The following TANGO6 variants were observed in gnomAD, a reference collection of about 807,000 sequenced individuals.
TANGO6 encodes the protein transport and golgi organization 6 homolog.
In TANGO6, 90 loss-of-function variants were observed where a neutral mutation model predicts 114.2. The observed-to-expected ratio is 0.79, with a 90% CI of 0.66 to 0.94. The LOEUF (loss-of-function observed/expected upper bound fraction) is 0.94, where lower values mean the gene tolerates loss of function less well. Among genes scored for constraint, TANGO6 ranks in the 40% least tolerant of loss-of-function variants. The pLI is 0.00. For missense variants in TANGO6, 1,274 were observed against 1,315.3 expected (o/e 0.97, Z 0.49); for synonymous variants, 477 against 509.8 (o/e 0.94, Z 0.87).
intron 12 of TANGO6, among the ~76,000 whole-genome samples, chr16:68,926,526 G>A (rs994956131): frequency 1.3e-5 from 2 of 151,596 alleles, no homozygotes; most frequent in African/African-American, 4.8e-5. Context: ...AAATAAAAAG[G>A]ATTTTTTTTT....
chr16:68,875,019 C>A, intron 4 of TANGO6, 135 bp from the exon 5 acceptor site: 1 of 877,034 alleles, frequency 1.1e-6, no homozygotes, highest in Non-Finnish European at 1.6e-6. Context: ...GGTAGATTAT[C>A]TTATAGAAAA....
intron 12 of TANGO6, among the ~76,000 whole-genome samples, chr16:68,919,784 G>A (rs1420430779): frequency 6.6e-6 from 1 of 152,128 alleles, no homozygotes; most frequent in Non-Finnish European, 1.5e-5. Flanking sequence ...CACTGAGCCT[G>A]TAATCCCAGC....
chr16:68,957,814 C>T (rs1963549079), intron 14 of TANGO6, among the ~76,000 whole-genome samples: 2 of 151,978 alleles, frequency 1.3e-5, no homozygotes, highest in Admixed American at 1.3e-4. Context: ...TGGGAAACAA[C>T]AATTATCTAA....
chr16:69,021,052 TG>T (rs1353382885), intron 15 of TANGO6, among the ~76,000 whole-genome samples: 2 of 152,226 alleles, frequency 1.3e-5, no homozygotes, highest in Non-Finnish European at 1.5e-5. Context: ...TGGACATACA[TG>T]GTACCCAACA....
At chr16:68,915,259 A>G (rs756316626) in intron 11 of TANGO6, among the ~76,000 whole-genome samples, 11 of 151,366 alleles carry the variant, frequency 7.3e-5, no homozygotes, top group Non-Finnish European at 1.0e-4. Flanking sequence ...GGAATGCTTT[A>G]TATATTTTTT....
rs1220307985 is a variant in TANGO6, at chr16:69,030,773, C to T, written c.2994+7794C>T. On this transcript the variant is annotated intron_variant, in intron 16 of 17. Transcript: ENST00000261778. ...TTTCAACCTTAAAACAGGTGAGGGC[C>T]GGGCGCGGTGGCTCACGCCTGTAAT... Among the ~76,000 whole-genome samples the T allele has an allele frequency of 3.3e-5, 5 of 151,872 alleles. 1 individual carries two copies. Among genetic ancestry groups the T allele is most frequent in the Admixed American group, 2.0e-4 (3 of 15,200 alleles).
At position 68,980,407 on chromosome 16, in the gene TANGO6, C is replaced by A. The variant is rs868484175; in HGVS notation, c.2842+6239C>A. ...ATTCTCTCTCTCTCTCTCTCTCTCTCTCTATATATATATATATATATATAT... is the reference window on the plus strand; with the variant it reads ...ATTCTCTCTCTCTCTCTCTCTCTCTATCTATATATATATATATATATATAT... On this transcript the variant is annotated intron_variant, in intron 15 of 17. Transcript: ENST00000261778. 2.2e-3 allele frequency among the ~76,000 whole-genome samples: 150 copies of A among 67,572 alleles called. 1 individual carries two copies. Among genetic ancestry groups the A allele is most frequent in the South Asian group, 3.5e-3 (7 of 1,996 alleles). 44.3% of individuals were successfully genotyped at this position (67,572 alleles called of 152,430 possible). A position where few individuals can be genotyped will look rare whatever the true frequency, so the allele number is the denominator to read the frequency against.
At chr16:69,051,459 T>C (rs563995603) in intron 17 of TANGO6, among the ~76,000 whole-genome samples, 1 of 152,304 alleles carries the variant, frequency 6.6e-6, no homozygotes, top group South Asian at 2.1e-4. Flanking sequence ...GCAGATCACC[T>C]GAGGTCAGGA....
intron 15 of TANGO6, among the ~76,000 whole-genome samples, chr16:68,984,584 C>T (rs1963873840): frequency 6.6e-6 from 1 of 151,916 alleles, no homozygotes; most frequent in Non-Finnish European, 1.5e-5. Context: ...GCAGTGGTGC[C>T]ATCACTGGCT....
In TANGO6 at chr16:68,990,557, A is replaced by G. The variant is rs371490165; in HGVS notation, c.2842+16389A>G. On this transcript the variant is annotated intron_variant, in intron 15 of 17. Transcript: ENST00000261778. ...ATTTGGTTGGGGACACAGCCAAACC[A>G]TATTACCTGGCTAATTTGTTTGTAT... Among the ~76,000 whole-genome samples the G allele has an allele frequency of 1.9e-3, 284 of 152,240 alleles. 2 individuals carry two copies. In the South Asian group the frequency reaches 0.056, roughly 30 times the overall value.
At chr16:68,846,892 C>G (rs1000562013) in intron 1 of TANGO6, 1 of 148,420 alleles carries the variant, frequency 6.7e-6, no homozygotes. Context: ...AGAGGTAATA[C>G]CTTTTTTTTT....
In TANGO6 at chr16:69,084,939, T is replaced by A. The variant is rs1359313218; in HGVS notation, c.*1278T>A. The A allele has an allele frequency of 6.6e-6, 1 of 152,378 alleles. No homozygotes were observed. Among genetic ancestry groups the A allele is most frequent in the Admixed American group, 6.5e-5 (1 of 15,280 alleles). The allele number at this position is 152,378 out of a possible 1,614,324, so 9.4% of individuals were successfully genotyped here. A position where few individuals can be genotyped will look rare whatever the true frequency, so the allele number is the denominator to read the frequency against. ...CTGAGTCAGATCTTCCTTGGTGGCA[T>A]CCCTTTAAAGAGGCCATCTTATGAA... On this transcript the variant is annotated 3_prime_UTR_variant, in exon 18 of 18. Transcript: ENST00000261778.
At chr16:68,860,551 G>A in intron 2 of TANGO6, 27 bp downstream of exon 2, 2 of 1,601,836 alleles carry the variant, frequency 1.2e-6, no homozygotes, top group Non-Finnish European at 8.5e-7. Flanking sequence ...AAAGAGAGAG[G>A]GAGAGATTGT....
At chr16:68,878,935 G>A (rs1038247872) in intron 6 of TANGO6, among the ~76,000 whole-genome samples, 2 of 151,880 alleles carry the variant, frequency 1.3e-5, no homozygotes, top group African/African-American at 4.8e-5. Flanking sequence ...AATTAGCCAG[G>A]CATGGTGGCA....
intron 7 of TANGO6, among the ~76,000 whole-genome samples, chr16:68,887,624 C>T (rs1271207290): frequency 6.6e-6 from 1 of 152,162 alleles, no homozygotes. Context: ...TGCCTATAAT[C>T]CCAGCGCTTT....
At position 69,000,782 on chromosome 16, in the gene TANGO6, G is replaced by A. The variant is rs1279223739; in HGVS notation, c.2843-22046G>A. Among the ~76,000 whole-genome samples, 7 of 151,862 alleles carry A rather than the reference G, an allele frequency of 4.6e-5. No individual in the cohort carries two copies. In the South Asian group the frequency reaches 6.2e-4, roughly 13 times the overall value. ...ACTTTTTTGTATTTTTAGTAGAGAC[G>A]GGGCTTCACCATGTGGCCAGGCTGG... On this transcript the variant is annotated intron_variant, in intron 15 of 17. Coordinates refer to ENST00000261778, the MANE Select transcript of TANGO6 (RefSeq NM_024562.2).
intron 15 of TANGO6, among the ~76,000 whole-genome samples, chr16:69,020,969 T>C (rs1165213224): frequency 2.0e-5 from 3 of 151,306 alleles, no homozygotes; most frequent in Non-Finnish European, 4.4e-5. Context: ...GGAATCTTCT[T>C]ATCACCACCT....
chr16:68,864,954 TTC>T (rs1215292869), intron 3 of TANGO6, among the ~76,000 whole-genome samples: 1 of 152,072 alleles, frequency 6.6e-6, no homozygotes, highest in African/African-American at 2.4e-5. Flanking sequence ...GATGAAATAT[TTC>T]TGTTACTAAT....
chr16:68,932,207 C>T (rs1366872366), intron 14 of TANGO6, among the ~76,000 whole-genome samples: 1 of 152,164 alleles, frequency 6.6e-6, no homozygotes, highest in African/African-American at 2.4e-5. Flanking sequence ...TCTCCTGCCT[C>T]AGCCTCCCGA....
Sources: allele counts gnomAD v4.1 joint callset (sites outside exome capture counted in the v4.1 genomes callset), GRCh38; gene constraint gnomAD v4.1.1; transcripts MANE v1.5; gene names NCBI Gene and HGNC (gene_info 2026-07-23, HGNC 2026-07-21).